Variants in MECR observed in about 807,000 individuals in gnomAD.
MECR encodes enoyl-[acyl-carrier-protein] reductase, mitochondrial.
A neutral mutation model predicts 49.1 loss-of-function variants in MECR; 37 were observed. That is an observed-to-expected ratio of 0.75 (90% CI 0.58 to 0.99). The LOEUF (loss-of-function observed/expected upper bound fraction) is 0.99. Among genes scored for constraint, MECR ranks in the 50% least tolerant of loss-of-function variants. The pLI, the probability that MECR is intolerant of heterozygous loss-of-function variation, is 0.00. For synonymous variants in MECR, 198 were observed against 191.1 expected, an observed-to-expected ratio of 1.04 and a Z score of -0.30; for missense variants, 470 against 479.6, an observed-to-expected ratio of 0.98 and a Z score of 0.19.
chr1:29,182,626 C>T, the MECR span, among the ~76,000 whole-genome samples: 7 of 152,274 alleles, frequency 4.6e-5, no homozygotes, highest in African/African-American at 1.7e-4. Context: ...TCACTGCAAC[C>T]TCCGCCTCCC....
At chr1:29,217,743 A>G (rs1005218526) in intron 1 of MECR, among the ~76,000 whole-genome samples, 12 of 152,112 alleles carry the variant, frequency 7.9e-5, no homozygotes, top group Non-Finnish European at 1.8e-4. Context: ...TGTCCTCCAC[A>G]TGTTTGATTT....
At chr1:29,182,660 C>T in the MECR span, among the ~76,000 whole-genome samples, 1 of 152,156 alleles carries the variant, frequency 6.6e-6, no homozygotes, top group African/African-American at 2.4e-5. Context: ...TCTCCTGCCT[C>T]AGCCTCCAGA....
chr1:29,206,013 C>T (rs1016051587), intron 4 of MECR, among the ~76,000 whole-genome samples: 1 of 152,206 alleles, frequency 6.6e-6, no homozygotes, highest in Non-Finnish European at 1.5e-5. Flanking sequence ...TCATTTACTC[C>T]CTGGCTGATC....
intron 4 of MECR, among the ~76,000 whole-genome samples, chr1:29,206,260 C>T (rs950462914): frequency 4.6e-5 from 7 of 152,186 alleles, no homozygotes; most frequent in Admixed American, 1.3e-4. Context: ...AGGTTATCTG[C>T]CCAGAGCTTG....
the MECR span, among the ~76,000 whole-genome samples, chr1:29,179,469 C>T: frequency 6.6e-6 from 1 of 152,126 alleles, no homozygotes; most frequent in African/African-American, 2.4e-5. Context: ...AAGTGATCCT[C>T]CTGCCTCATC....
chr1:29,170,004 A>T, the MECR span: 2 of 152,256 alleles, frequency 1.3e-5, no homozygotes, highest in African/African-American at 4.8e-5. Context: ...TTTACACTGC[A>T]AATAGTTTGT....
chr1:29,199,296 C>T (rs559654925), intron 7 of MECR, among the ~76,000 whole-genome samples: 8 of 152,322 alleles, frequency 5.3e-5, no homozygotes, highest in South Asian at 2.1e-4. Flanking sequence ...GGCGCAATCT[C>T]GGCCCACCGC....
chr1:29,195,870 C>T (rs1673843329), intron 9 of MECR, 71 bp downstream of exon 9: 14 of 1,493,530 alleles, frequency 9.4e-6, no homozygotes, highest in East Asian at 2.3e-5. Flanking sequence ...CTCAGAATAG[C>T]TGGTCATTTC....
the MECR span, among the ~76,000 whole-genome samples, chr1:29,167,976 T>TA: frequency 4.0e-5 from 6 of 150,610 alleles, no homozygotes; most frequent in African/African-American, 1.5e-4. Flanking sequence ...CCCATGACTC[T>TA]AAAAATCCCA....
chr1:29,209,659 A>G (rs1040507738), intron 3 of MECR, among the ~76,000 whole-genome samples: 1 of 152,174 alleles, frequency 6.6e-6, no homozygotes, highest in African/African-American at 2.4e-5. Context: ...CTGCACTCAC[A>G]CAGGCAGGAT....
At chr1:29,184,535 T>C in the MECR span, among the ~76,000 whole-genome samples, 1 of 150,834 alleles carries the variant, frequency 6.6e-6, no homozygotes, top group Non-Finnish European at 1.5e-5. Context: ...AGGAGGATCA[T>C]CTGAGGTTAG....
chr1:29,203,038 G>T (rs544293681), intron 5 of MECR, 93 bp downstream of exon 5: 3 of 1,005,464 alleles, frequency 3.0e-6, no homozygotes, highest in Non-Finnish European at 2.9e-6. Flanking sequence ...GCTTATGCAA[G>T]GGCGCCCTCT....
chr1:29,170,032 C>T, the MECR span: 1 of 152,188 alleles, frequency 6.6e-6, no homozygotes, highest in Non-Finnish European at 1.5e-5. Flanking sequence ...ACTATCATTA[C>T]CCCCTGCAAT....
chr1:29,213,972 A>T (rs957895974), intron 3 of MECR, among the ~76,000 whole-genome samples: 3 of 152,114 alleles, frequency 2.0e-5, no homozygotes, highest in African/African-American at 7.2e-5. Context: ...CAAGTGAGAG[A>T]CACAACTCTG....
chr1:29,212,458 G>A (rs1469922309), intron 3 of MECR, among the ~76,000 whole-genome samples: 2 of 152,142 alleles, frequency 1.3e-5, no homozygotes, highest in Non-Finnish European at 2.9e-5. Context: ...CTTTTCTCCA[G>A]GGAAGAATCC....
the MECR span, among the ~76,000 whole-genome samples, chr1:29,183,493 C>G: frequency 6.6e-6 from 1 of 152,044 alleles, no homozygotes; most frequent in Non-Finnish European, 1.5e-5. Flanking sequence ...GTGGCTGTTT[C>G]CTCATATCCT....
At chr1:29,170,464 T>G in the MECR span, 1 of 152,172 alleles carries the variant, frequency 6.6e-6, no homozygotes, top group South Asian at 2.1e-4. Context: ...GTGTTAAAGC[T>G]TCATTAAAGA....
chr1:29,226,952 CTTTTTTTT>C (rs890320572), intron 1 of MECR, among the ~76,000 whole-genome samples: 1 of 99,722 alleles, frequency 1.0e-5, no homozygotes. Flanking sequence ...TGGGAACTAT[CTTTTTTTT>C]TTTTTTTTTT....
chr1:29,189,746 C>T (rs568508193), downstream of MECR, among the ~76,000 whole-genome samples: 6 of 152,258 alleles, frequency 3.9e-5, no homozygotes, highest in African/African-American at 1.4e-4. Flanking sequence ...CTCCTCCAAA[C>T]TGTCCTCCGG....
Sources: allele counts gnomAD v4.1 joint callset (sites outside exome capture counted in the v4.1 genomes callset), GRCh38; gene constraint gnomAD v4.1.1; transcripts MANE v1.5; gene names NCBI Gene and HGNC (gene_info 2026-07-23, HGNC 2026-07-21).